The following MAGEB6 variants were observed in gnomAD, a reference collection of about 807,000 sequenced individuals.
The protein encoded by MAGEB6 is melanoma-associated antigen B6.
For synonymous variants in MAGEB6, 128 were observed against 136.2 expected (o/e 0.94, Z 0.42); for missense variants, 327 against 329.7 (o/e 0.99, Z 0.06).
chrX:26,194,091 C>T lies in MAGEB6; in HGVS notation c.245C>T (p.Ser82Phe), dbSNP rs138482118. Residue 82 changes from serine to phenylalanine, a missense_variant, in exon 2 of 2, where the codon TCC becomes TTC. Physicochemically the swap from Ser to Phe is radical, Grantham distance 155. Coordinates refer to ENST00000379034, the MANE Select transcript of MAGEB6 (RefSeq NM_173523.2). ...SPDAVVSYSK[S>F]DVAANGQDEK... Reference sequence around the variant, plus strand: ...GATGCAGTTGTTTCATATTCAAAATCCGATGTGGCTGCCAACGGCCAAGAT... The same window carrying T: ...GATGCAGTTGTTTCATATTCAAAATTCGATGTGGCTGCCAACGGCCAAGAT... 1.2e-4 allele frequency: 147 copies of T among 1,208,816 alleles called. 1 individual carries two copies. The African/African-American group carries it at 2.1e-3, about 17-fold the overall frequency.
chrX:26,194,465 CAGA>C lies in MAGEB6; in HGVS notation c.625_627del (p.Lys209del). 4 of 1,212,046 alleles carry C rather than the reference CAGA, an allele frequency of 3.3e-6. No homozygotes were observed. Among genetic ancestry groups the C allele is most frequent in the Non-Finnish European group, 4.5e-6 (4 of 895,613 alleles). On this transcript the variant is annotated inframe_deletion, in exon 2 of 2. Transcript: ENST00000379034. ...GGCGTGCACGTTGGCGCAATTCCTG[CAGA>C]AGAAGTTTGAGAAGAAAGAGTCCAT...
chrX:26,193,699 G>A (rs747257910), intron 1 of MAGEB6, 87 bp from the exon 2 acceptor site: 5 of 566,485 alleles, frequency 8.8e-6, no homozygotes, highest in South Asian at 9.3e-5. Flanking sequence ...GCTGTTCTGC[G>A]GAAACCTGCA....
rs750398271 is a variant in MAGEB6, at chrX:26,193,890, G to A, written c.44G>A (p.Arg15His). 13 of 1,188,813 alleles carry A rather than the reference G, an allele frequency of 1.1e-5. No homozygotes were observed. Among genetic ancestry groups the A allele is most frequent in the African/African-American group, 1.8e-5 (1 of 56,880 alleles). The change falls in exon 2 of 2, where the codon CGC becomes CAC. Residue 15 changes from arginine to histidine, a missense_variant. Physicochemically the swap from Arg to His is conservative, Grantham distance 29. Transcript: ENST00000379034. ...HKSKLRTCEKRQETNGQPQGL... is the reference protein window; with the variant it reads ...HKSKLRTCEKHQETNGQPQGL... ...AGTAAGCTCCGTACCTGTGAGAAAC[G>A]CCAAGAGACCAATGGTCAGCCACAG...
intron 1 of MAGEB6, among the ~76,000 whole-genome samples, chrX:26,193,345 C>T (rs1929137950): frequency 1.5e-5 from 1 of 68,629 alleles, no homozygotes; most frequent in South Asian, 1.5e-3. Flanking sequence ...TCCCTCCCCC[C>T]TCCCCCCACC....
rs752135139 is a variant in MAGEB6 at position 26,194,293 on chromosome X, G to A, written c.447G>A (p.Gln149=). ...ATGTCTCCGTTCCTCAGGAGTCTCA[G>A]GGAGCTTCACCCACTGGCTCGCCTG... ...SHDVSVPQES[Q]GASPTGSPDA... The change falls in exon 2 of 2, where the codon CAG becomes CAA. Residue 149 remains glutamine, a synonymous_variant. Coordinates refer to ENST00000379034, the MANE Select transcript of MAGEB6 (RefSeq NM_173523.2). 10 of 1,207,955 alleles carry A rather than the reference G, an allele frequency of 8.3e-6. No homozygotes were observed. In the South Asian group the frequency reaches 1.8e-4, roughly 21 times the overall value.
In MAGEB6 at chrX:26,194,133, CCTCCCGTG is replaced by C; in HGVS notation, c.288_295del (p.Ser97CysfsTer17). 4 of 1,174,103 alleles carry C rather than the reference CCTCCCGTG, an allele frequency of 3.4e-6. No individual in the cohort carries two copies. Among genetic ancestry groups the C allele is most frequent in the Non-Finnish European group, 1.2e-6 (1 of 868,289 alleles). On this transcript the variant is annotated frameshift_variant, in exon 2 of 2. Coordinates refer to ENST00000379034, the MANE Select transcript of MAGEB6 (RefSeq NM_173523.2). LOFTEE classifies it low-confidence loss of function (END_TRUNC). ...GGCCAAGATGAGAAAAGTCCAAGCA[CCTCCCGTG>C]ATGCCTCCGTTCCTCAGGAGTCTCA...
chrX:26,194,613 A>G lies in MAGEB6; in HGVS notation c.767A>G (p.Asp256Gly), dbSNP rs765476547. The change falls in exon 2 of 2, where the codon GAT becomes GGT. Residue 256 changes from aspartate to glycine, a missense_variant. Transcript: ENST00000379034. ...TTTGGCGTTGAATTGAAAGAAATGG[A>G]TTCCAGCGGCGAGTCCTACACCCTT... ...VAFGVELKEM[D>G]SSGESYTLVS... The G allele has an allele frequency of 1.7e-6, 2 of 1,208,160 alleles. No individual in the cohort carries two copies. Among genetic ancestry groups the G allele is most frequent in the African/African-American group, 3.5e-5 (2 of 56,528 alleles).
Position 26,194,148 on chromosome X carries a change from C to T in MAGEB6, c.302C>T (p.Ser101Phe), listed in dbSNP as rs200942471. The part of the protein sequence containing the change: ...EKSPSTSRDA[S>F]VPQESQGASP... ...AGTCCAAGCACCTCCCGTGATGCCT[C>T]CGTTCCTCAGGAGTCTCAGGGAGCT... Residue 101 changes from serine (S) to phenylalanine (F), a missense_variant, in exon 2 of 2, where the codon TCC (serine) becomes TTC (phenylalanine). By Grantham distance (155) the Ser-to-Phe change is radical. Coordinates refer to ENST00000379034, the MANE Select transcript of MAGEB6 (RefSeq NM_173523.2). 7 of 1,171,436 alleles carry T rather than the reference C, an allele frequency of 6.0e-6. No homozygotes were observed. The African/African-American group carries it at 1.1e-4, about 18-fold the overall frequency.
chrX:26,193,818 C>G lies in MAGEB6; in HGVS notation c.-29C>G. 8.7e-7 allele frequency: 1 copy of G among 1,148,471 alleles called. No individual in the cohort carries two copies. The highest frequency in any genetic ancestry group is 3.0e-5 in the East Asian group (1 of 33,348). 94.6% of individuals were successfully genotyped at this position (1,148,471 alleles called of 1,213,427 possible). A position where few individuals can be genotyped will look rare whatever the true frequency, so the allele number is the denominator to read the frequency against. On this transcript the variant is annotated 5_prime_UTR_variant, in exon 2 of 2. Coordinates refer to ENST00000379034, the MANE Select transcript of MAGEB6 (RefSeq NM_173523.2). ...CCTTCCTAGTCTTCCTACCCACACTCCTACCTGCTGTCACAGGCCACAGCC... is the reference window on the plus strand; with the variant it reads ...CCTTCCTAGTCTTCCTACCCACACTGCTACCTGCTGTCACAGGCCACAGCC...
rs755016136 is a variant in MAGEB6, at chrX:26,194,643, G to A, written c.797G>A (p.Ser266Asn). The change falls in exon 2 of 2, where the codon AGC (serine) becomes AAC (asparagine). Residue 266 changes from serine to asparagine, a missense_variant. By Grantham distance (46) the Ser-to-Asn change is conservative. Transcript: ENST00000379034. ...DSSGESYTLV[S>N]KLGLPSEGIL... is the part of the protein sequence containing the mutation. The stretch of plus-strand genomic sequence containing the variant: ...AGCGGCGAGTCCTACACCCTTGTCA[G>A]CAAGCTAGGCCTCCCCAGTGAAGGA... The A allele has an allele frequency of 2.5e-6, 3 of 1,211,506 alleles. No homozygotes were observed. Among genetic ancestry groups the A allele is most frequent in the East Asian group, 5.9e-5 (2 of 33,800 alleles).
At position 26,193,933 on chromosome X, in the gene MAGEB6, G is replaced by T. The variant is rs1703172741; in HGVS notation, c.87G>T (p.Gln29His). 1 of 1,209,362 alleles carries T rather than the reference G, an allele frequency of 8.3e-7. No homozygotes were observed. The highest frequency in any genetic ancestry group is 3.0e-5 in the East Asian group (1 of 33,772). ...AGCCACAGGGTCTCACGGGTCCCCA[G>T]GCCACTGCAGAGAAGCAGGAAGAGT... ...NGQPQGLTGP[Q>H]ATAEKQEESH... The change falls in exon 2 of 2, where the codon CAG (glutamine) becomes CAT (histidine). Residue 29 changes from glutamine (Q) to histidine (H), a missense_variant. Physicochemically the swap from Gln to His is conservative, Grantham distance 24. Transcript: ENST00000379034.
chrX:26,194,054 A>G lies in MAGEB6; in HGVS notation c.208A>G (p.Thr70Ala). ...IPQESQGVSP[T>A]GSPDAVVSYS... ...TCAGGAGTCTCAGGGAGTGTCACCC[A>G]CTGGGTCTCCTGATGCAGTTGTTTC... Residue 70 changes from threonine to alanine, a missense_variant, in exon 2 of 2, where the codon ACT (threonine) becomes GCT (alanine). Thr to Ala is a moderately conservative substitution (Grantham distance 58). Transcript: ENST00000379034. The G allele has an allele frequency of 8.3e-7, 1 of 1,211,428 alleles. No homozygotes were observed. The highest frequency in any genetic ancestry group is 3.0e-5 in the East Asian group (1 of 33,796).
Position 26,193,740 on chromosome X carries a change from G to A in MAGEB6, c.-61-46G>A, listed in dbSNP as rs771223521. 1.1e-4 allele frequency: 103 copies of A among 919,383 alleles called. 2 individuals carry two copies. The South Asian group carries it at 2.4e-3, about 21-fold the overall frequency. The allele number at this position is 919,383 out of a possible 1,213,427, so 75.8% of individuals were successfully genotyped here. ...GGCCCTAGTTAAAGCCAAGATGGTC[G>A]CTCTCTGCTGAAGATATTGACGTGA... On this transcript the variant is annotated intron_variant, in intron 1 of 1. Transcript: ENST00000379034.
rs773382413 is a variant in MAGEB6, at chrX:26,194,689, G to A, written c.843G>A (p.Ala281=). The A allele has an allele frequency of 1.8e-5, 22 of 1,209,270 alleles. No individual in the cohort carries two copies. The highest frequency in any genetic ancestry group is 2.3e-5 in the Non-Finnish European group (21 of 895,053). The change falls in exon 2 of 2, where the codon GCG becomes GCA. Residue 281 remains alanine (A), a synonymous_variant. Coordinates refer to ENST00000379034, the MANE Select transcript of MAGEB6 (RefSeq NM_173523.2). Reference sequence around the variant, plus strand: ...AAGGAATTCTGAGTGGTGATAATGCGCTGCCGAAGTCGGGTCTCCTGATGT... The same window carrying A: ...AAGGAATTCTGAGTGGTGATAATGCACTGCCGAAGTCGGGTCTCCTGATGT... ...PSEGILSGDN[A]LPKSGLLMSL... is the part of the protein sequence containing the mutation.
Position 26,195,068 on chromosome X carries a change from T to G in MAGEB6, c.1222T>G (p.Ter408GluextTer24), listed in dbSNP as rs758846703. The change falls in exon 2 of 2, where the codon TAA becomes GAA. Residue 408 changes from the stop codon to glutamate (E), a stop_lost. Coordinates refer to ENST00000379034, the MANE Select transcript of MAGEB6 (RefSeq NM_173523.2). ...AGAGAGAGCATTGAGACTGAGAGCTTAAGGCAGGGCTGGCACTATTTCCTT... is the reference window on the plus strand; with the variant it reads ...AGAGAGAGCATTGAGACTGAGAGCTGAAGGCAGGGCTGGCACTATTTCCTT... ...EVERALRLRA[*>E] 2.5e-5 allele frequency: 30 copies of G among 1,203,162 alleles called. No individual in the cohort carries two copies. The Admixed American group carries it at 5.3e-4, about 21-fold the overall frequency.
chrX:26,193,666 G>A (rs1216360701), intron 1 of MAGEB6, 120 bp from the exon 2 acceptor site: 15 of 389,850 alleles, frequency 3.8e-5, no homozygotes, highest in African/African-American at 1.5e-4. Flanking sequence ...AGGAGAAAAG[G>A]AGTCCTGTGG....
chrX:26,195,252 T>TTGTA lies in MAGEB6; in HGVS notation c.*182_*183insTGTA. 3.5e-6 allele frequency: 1 copy of TTGTA among 288,060 alleles called. No homozygotes were observed. Among genetic ancestry groups the TTGTA allele is most frequent in the South Asian group, 1.4e-4 (1 of 7,171 alleles). 23.7% of individuals were successfully genotyped at this position (288,060 alleles called of 1,213,427 possible). A position where few individuals can be genotyped will look rare whatever the true frequency, so the allele number is the denominator to read the frequency against. ...AACAAGATATGTATCTTTCTTTTGT[T>TTGTA]ACACATGAGTAACTTGCAGATTTAT... On this transcript the variant is annotated 3_prime_UTR_variant, in exon 2 of 2. Transcript: ENST00000379034.
rs1410710377 is a variant in MAGEB6, at chrX:26,195,296, A to T, written c.*226A>T. On this transcript the variant is annotated 3_prime_UTR_variant, in exon 2 of 2. Coordinates refer to ENST00000379034, the MANE Select transcript of MAGEB6 (RefSeq NM_173523.2). The stretch of plus-strand genomic sequence containing the variant: ...GATTTATGTTTTATCTCTGTCAGTT[A>T]TCAACATTGTTCCTGTTAAGTGAAG... The T allele has an allele frequency of 1.1e-5, 4 of 380,804 alleles. No homozygotes were observed. The highest frequency in any genetic ancestry group is 1.7e-4 in the South Asian group (2 of 12,025). 31.4% of individuals were successfully genotyped at this position (380,804 alleles called of 1,213,427 possible). A position where few individuals can be genotyped will look rare whatever the true frequency, so the allele number is the denominator to read the frequency against.
At position 26,193,619 on chromosome X, in the gene MAGEB6, C is replaced by CT. The variant is rs777677007; in HGVS notation, c.-61-166dup. Among the ~76,000 whole-genome samples the CT allele has an allele frequency of 1.4e-4, 15 of 110,530 alleles. No homozygotes were observed. In the East Asian group the frequency reaches 4.1e-3, roughly 30 times the overall value. ...GGCTGTCATGCTATAGTCTAATACTCTAACTTCCTCCTGAGTTTGAAGGAG... is the reference window on the plus strand; with the variant it reads ...GGCTGTCATGCTATAGTCTAATACTCTTAACTTCCTCCTGAGTTTGAAGGAG... On this transcript the variant is annotated intron_variant, in intron 1 of 1. Transcript: ENST00000379034.
Sources: gnomAD v4.1 joint callset for allele counts (sites outside exome capture counted in the v4.1 genomes callset) on GRCh38, gnomAD v4.1.1 for gene constraint, MANE v1.5 for transcripts, NCBI Gene and HGNC (gene_info 2026-07-23, HGNC 2026-07-21) for gene names.